CIMAP1D: variants seen among roughly 807,000 people sequenced by gnomAD.
CIMAP1D encodes the protein CIMAP1 family member D.
chr19:472,508 C>T, the CIMAP1D span: 2 of 1,536,218 alleles, frequency 1.3e-6, no homozygotes, highest in African/African-American at 2.8e-5. Context: ...GAGCCTGCAG[C>T]CCAAAGCCCT....
the CIMAP1D span, among the ~76,000 whole-genome samples, chr19:485,415 A>T: frequency 6.6e-6 from 1 of 152,226 alleles, no homozygotes; most frequent in Non-Finnish European, 1.5e-5. Flanking sequence ...GAGTGGAATG[A>T]AGCTCTACAA....
the CIMAP1D span, chr19:490,355 T>TA: frequency 1.9e-3 from 376 of 193,448 alleles, no homozygotes; most frequent in Middle Eastern, 5.6e-3. Context: ...AAACTCCAGC[T>TA]AAAAAAAAAA....
the CIMAP1D span, among the ~76,000 whole-genome samples, chr19:479,094 G>A: frequency 7.9e-4 from 120 of 152,346 alleles, no homozygotes; most frequent in African/African-American, 2.6e-3. Context: ...TATACCACTG[G>A]GGGGCTATAT....
chr19:481,398 G>GGGAAGGATGAT, the CIMAP1D span, among the ~76,000 whole-genome samples: 1 of 95,176 alleles, frequency 1.1e-5, no homozygotes, highest in African/African-American at 7.5e-5. Flanking sequence ...GAAGGATGAT[G>GGGAAGGATGAT]GGGAAGGATG....
the CIMAP1D span, among the ~76,000 whole-genome samples, chr19:478,539 T>G: frequency 6.6e-6 from 1 of 152,254 alleles, no homozygotes; most frequent in Non-Finnish European, 1.5e-5. Context: ...AGTCCCCTTC[T>G]GATCTGATCG....
chr19:486,589 C>T, the CIMAP1D span, among the ~76,000 whole-genome samples: 1 of 151,602 alleles, frequency 6.6e-6, no homozygotes, highest in African/African-American at 2.4e-5. Flanking sequence ...TACAGGCGCC[C>T]GTCACCACAC....
the CIMAP1D span, chr19:463,999 CG>C: frequency 6.2e-7 from 1 of 1,609,290 alleles, no homozygotes; most frequent in Non-Finnish European, 8.5e-7. Flanking sequence ...GCGCCAGGGC[CG>C]GGGGTCTCCT....
the CIMAP1D span, among the ~76,000 whole-genome samples, chr19:472,037 C>A: frequency 1.3e-5 from 2 of 152,258 alleles, no homozygotes; most frequent in Non-Finnish European, 2.9e-5. Flanking sequence ...TGAGCCACCG[C>A]ACCGGCCTGC....
At chr19:474,872 C>T in the CIMAP1D span, 3 of 780,272 alleles carry the variant, frequency 3.8e-6, no homozygotes, top group African/African-American at 1.8e-5. Context: ...CACCCTCCCA[C>T]GACCACAGCC....
At chr19:471,733 T>C in the CIMAP1D span, among the ~76,000 whole-genome samples, 25 of 125,320 alleles carry the variant, frequency 2.0e-4, no homozygotes, top group Middle Eastern at 3.9e-3. Context: ...TTTGTTACTA[T>C]TGTTAACTTT....
chr19:488,059 T>C, the CIMAP1D span, among the ~76,000 whole-genome samples: 3 of 152,042 alleles, frequency 2.0e-5, no homozygotes, highest in East Asian at 5.8e-4. Flanking sequence ...GCGGACCCCC[T>C]GAGAGTTGTG....
the CIMAP1D span, chr19:464,403 C>T: frequency 7.8e-7 from 1 of 1,284,418 alleles, no homozygotes; most frequent in Non-Finnish European, 1.1e-6. Flanking sequence ...CTGATGTCCT[C>T]ACCTGCCCAG....
At chr19:486,184 G>A in the CIMAP1D span, among the ~76,000 whole-genome samples, 3 of 152,214 alleles carry the variant, frequency 2.0e-5, no homozygotes, top group Admixed American at 2.0e-4. Flanking sequence ...CTCAGAGGAA[G>A]GAAGGGCTTG....
the CIMAP1D span, among the ~76,000 whole-genome samples, chr19:491,164 C>A: frequency 6.6e-6 from 1 of 151,756 alleles, no homozygotes; most frequent in Non-Finnish European, 1.5e-5. Flanking sequence ...ATAATCCCAG[C>A]TACTCAGGAG....
the CIMAP1D span, chr19:463,623 G>A: frequency 3.1e-6 from 2 of 643,612 alleles, no homozygotes; most frequent in African/African-American, 1.9e-5. Context: ...GAAGAAACTG[G>A]GGCACTGGAA....
the CIMAP1D span, among the ~76,000 whole-genome samples, chr19:483,211 G>A: frequency 6.6e-6 from 1 of 151,478 alleles, no homozygotes; most frequent in Non-Finnish European, 1.5e-5. Context: ...GCTGACTGCT[G>A]CTCTCCACCT....
the CIMAP1D span, chr19:474,979 C>T: frequency 4.9e-6 from 2 of 405,298 alleles, no homozygotes; most frequent in African/African-American, 2.1e-5. Context: ...GGGCCGGGAT[C>T]GAGTGTCGGC....
the CIMAP1D span, among the ~76,000 whole-genome samples, chr19:484,713 A>C: frequency 3.3e-5 from 5 of 152,076 alleles, no homozygotes; most frequent in African/African-American, 1.2e-4. Flanking sequence ...CGGAGGAGCG[A>C]GGAGGAGGCC....
the CIMAP1D span, among the ~76,000 whole-genome samples, chr19:478,463 A>C: frequency 8.8e-6 from 1 of 113,090 alleles, no homozygotes; most frequent in Non-Finnish European, 1.5e-5. Flanking sequence ...AGCCGACAGC[A>C]TGTTGCTGGG....
Sources: allele counts gnomAD v4.1 joint callset (sites outside exome capture counted in the v4.1 genomes callset), GRCh38; gene constraint gnomAD v4.1.1; transcripts MANE v1.5; gene names NCBI Gene and HGNC (gene_info 2026-07-23, HGNC 2026-07-21).